The following TSPAN9 variants were observed in gnomAD, a reference collection of about 807,000 sequenced individuals.
TSPAN9 encodes tetraspanin-9.
Under a neutral mutation model 31.0 loss-of-function variants are expected in TSPAN9, and 16 were observed. That is an observed-to-expected ratio of 0.52 (90% CI 0.35 to 0.78). TSPAN9 has a LOEUF of 0.78. TSPAN9 is among the 30% of genes least tolerant of loss of function. The pLI is 0.01. For synonymous variants in TSPAN9, 145 were observed against 121.6 expected, an observed-to-expected ratio of 1.19 and a Z score of -1.27; for missense variants, 272 against 312.5, an observed-to-expected ratio of 0.87 and a Z score of 0.98.
chr12:3,081,119 G>A (rs568315986), intron 1 of TSPAN9, among the ~76,000 whole-genome samples: 17 of 152,234 alleles, frequency 1.1e-4, no homozygotes, highest in Non-Finnish European at 1.9e-4. Flanking sequence ...ATGAGCTGAT[G>A]TATGTGAGGC....
At chr12:3,279,319 C>T (rs1862853844) in intron 5 of TSPAN9, among the ~76,000 whole-genome samples, 1 of 152,208 alleles carries the variant, frequency 6.6e-6, no homozygotes, top group Non-Finnish European at 1.5e-5. Flanking sequence ...GAAGTGGAAT[C>T]CTCTGCATGA....
At chr12:3,089,336 C>G (rs186044580) in intron 2 of TSPAN9, among the ~76,000 whole-genome samples, 3 of 136,008 alleles carry the variant, frequency 2.2e-5, no homozygotes, top group Non-Finnish European at 3.1e-5. Flanking sequence ...TTGTTCTGTC[C>G]CCCAGGCTGG....
chr12:3,243,691 G>A (rs756451011), intron 3 of TSPAN9, among the ~76,000 whole-genome samples: 23 of 152,114 alleles, frequency 1.5e-4, no homozygotes, highest in Non-Finnish European at 2.5e-4. Flanking sequence ...GGGTGACAGC[G>A]TAGGGGTTGA....
intron 2 of TSPAN9, among the ~76,000 whole-genome samples, chr12:3,194,185 T>C (rs2098365950): frequency 6.6e-6 from 1 of 151,924 alleles, no homozygotes; most frequent in South Asian, 2.1e-4. Flanking sequence ...AGGGGTGGGG[T>C]AAAATGACCC....
chr12:3,171,208 G>A lies in TSPAN9; in HGVS notation c.-17-29969G>A, dbSNP rs112930040. Reference sequence around the variant, plus strand: ...TCCTTATCCCTCTTTATTTTTCTACGTAGCATATGATATATATATTCTTTT... The same window carrying A: ...TCCTTATCCCTCTTTATTTTTCTACATAGCATATGATATATATATTCTTTT... On this transcript the variant is annotated intron_variant, in intron 2 of 8. Coordinates refer to ENST00000011898, the MANE Select transcript of TSPAN9 (RefSeq NM_006675.5). Among the ~76,000 whole-genome samples the A allele has an allele frequency of 3.6e-3, 554 of 151,846 alleles. 5 individuals carry two copies. Among genetic ancestry groups the A allele is most frequent in the African/African-American group, 0.013 (534 of 41,394 alleles).
chr12:3,225,199 G>C (rs994395707), intron 3 of TSPAN9, among the ~76,000 whole-genome samples: 5 of 152,100 alleles, frequency 3.3e-5, no homozygotes, highest in Non-Finnish European at 5.9e-5. Flanking sequence ...CCAGTTGGGG[G>C]ACCGTGGGAA....
chr12:3,189,646 G>C (rs1237991247), intron 2 of TSPAN9, among the ~76,000 whole-genome samples: 1 of 152,188 alleles, frequency 6.6e-6, no homozygotes, highest in East Asian at 1.9e-4. Context: ...ATTCGAGGGT[G>C]TGAGTTGTGA....
chr12:3,125,755 G>A (rs1312931115), intron 2 of TSPAN9, among the ~76,000 whole-genome samples: 1 of 151,990 alleles, frequency 6.6e-6, no homozygotes, highest in Non-Finnish European at 1.5e-5. Context: ...TGACACCAGG[G>A]CAGCCTGGTG....
intron 2 of TSPAN9, among the ~76,000 whole-genome samples, chr12:3,118,268 T>TTTTTTTTTTTTTTC: frequency 9.0e-6 from 1 of 111,394 alleles, no homozygotes; most frequent in Non-Finnish European, 1.9e-5. Context: ...TTTTTTTTTT[T>TTTTTTTTTTTTTTC]TTTTTTTTTT....
chr12:3,177,494 T>A (rs923017778), intron 2 of TSPAN9, among the ~76,000 whole-genome samples: 4 of 150,928 alleles, frequency 2.7e-5, no homozygotes, highest in African/African-American at 9.8e-5. Context: ...GCACAGTGGC[T>A]CAATCTTGGC....
intron 2 of TSPAN9, among the ~76,000 whole-genome samples, chr12:3,094,431 T>A (rs1489479700): frequency 2.0e-5 from 3 of 152,154 alleles, no homozygotes; most frequent in African/African-American, 7.2e-5. Flanking sequence ...CAAGCAGTCC[T>A]CATAGGCATT....
intron 2 of TSPAN9, among the ~76,000 whole-genome samples, chr12:3,166,857 C>T (rs1305634684): frequency 1.3e-5 from 2 of 152,144 alleles, no homozygotes; most frequent in African/African-American, 2.4e-5. Flanking sequence ...AATGTGGTGG[C>T]GCGATCTCGG....
intron 3 of TSPAN9, among the ~76,000 whole-genome samples, chr12:3,244,972 C>T (rs898218590): frequency 2.0e-5 from 3 of 152,190 alleles, no homozygotes; most frequent in Admixed American, 6.5e-5. Context: ...TCACTCTGTG[C>T]GTTAGCCTCT....
At chr12:3,114,317 A>G (rs1320328420) in intron 2 of TSPAN9, among the ~76,000 whole-genome samples, 1 of 152,166 alleles carries the variant, frequency 6.6e-6, no homozygotes, top group African/African-American at 2.4e-5. Context: ...TTTTTTTTCA[A>G]CCTTATAAAG....
At chr12:3,206,413 G>A (rs2153973543) in intron 3 of TSPAN9, 1 of 454,872 alleles carries the variant, frequency 2.2e-6, no homozygotes, top group African/African-American at 2.0e-5. Context: ...GGCTGTCAAG[G>A]GAGAGGTGAG....
At chr12:3,203,888 A>G (rs1418458806) in intron 3 of TSPAN9, among the ~76,000 whole-genome samples, 1 of 152,148 alleles carries the variant, frequency 6.6e-6, no homozygotes, top group African/African-American at 2.4e-5. Context: ...GCTCCACTCA[A>G]ATGAAGGCTT....
chr12:3,272,665 G>C (rs1001866162), intron 3 of TSPAN9, among the ~76,000 whole-genome samples: 4 of 152,116 alleles, frequency 2.6e-5, no homozygotes, highest in African/African-American at 9.7e-5. Context: ...CATCCCTGGC[G>C]AGGGGCCGCT....
intron 3 of TSPAN9, among the ~76,000 whole-genome samples, chr12:3,203,579 C>G (rs2098373239): frequency 6.6e-6 from 1 of 152,196 alleles, no homozygotes; most frequent in African/African-American, 2.4e-5. Flanking sequence ...TGATTACATT[C>G]TCTTTACCAG....
At chr12:3,191,582 C>G (rs570918528) in intron 2 of TSPAN9, among the ~76,000 whole-genome samples, 27 of 152,258 alleles carry the variant, frequency 1.8e-4, no homozygotes, top group Non-Finnish European at 3.8e-4. Flanking sequence ...TTAGGTGGCA[C>G]GAGGTGATCA....
Sources: gnomAD v4.1 joint callset for allele counts (sites outside exome capture counted in the v4.1 genomes callset) on GRCh38, gnomAD v4.1.1 for gene constraint, MANE v1.5 for transcripts, NCBI Gene and HGNC (gene_info 2026-07-23, HGNC 2026-07-21) for gene names.